Variants in HSP90B1 observed in about 807,000 individuals in gnomAD.
The protein encoded by HSP90B1 is endoplasmin.
Under a neutral mutation model 100.4 loss-of-function variants are expected in HSP90B1, and 27 were observed. That is an observed-to-expected ratio of 0.27 (90% CI 0.20 to 0.37). HSP90B1 has a LOEUF of 0.37. Among genes scored for constraint, HSP90B1 ranks in the 10% least tolerant of loss-of-function variants. The probability of loss-of-function intolerance (pLI) is 1.00; values close to 1 mark genes in which losing one functional copy is unlikely to be tolerated. For missense variants in HSP90B1, 678 were observed against 960.5 expected (o/e 0.71, Z 3.89); for synonymous variants, 304 against 330.8 (o/e 0.92, Z 0.88).
chr12:103,937,665 G>A, intron 5 of HSP90B1, 30 bp from the exon 6 acceptor site: 1 of 1,031,082 alleles, frequency 9.7e-7, no homozygotes, highest in Non-Finnish European at 1.5e-6. Flanking sequence ...TAAATGTTAG[G>A]TGTCTCTAAA....
At chr12:103,934,737 T>G (rs994552713) in intron 5 of HSP90B1, among the ~76,000 whole-genome samples, 4 of 152,240 alleles carry the variant, frequency 2.6e-5, no homozygotes, top group African/African-American at 9.6e-5. Context: ...GTCTCACTCT[T>G]GTTGCCCAGG....
In HSP90B1 at chr12:103,947,926, A is replaced by T; in HGVS notation, c.*264A>T. ...TATAAAAATAAAAAAGATCCCAAAT[A>T]CTCAGTGTCTTGACTGTCTTGCAGA... On this transcript the variant is annotated 3_prime_UTR_variant, in exon 18 of 18. Coordinates refer to ENST00000299767, the MANE Select transcript of HSP90B1 (RefSeq NM_003299.3). The T allele has an allele frequency of 2.2e-6, 1 of 460,188 alleles. No individual in the cohort carries two copies. The allele number at this position is 460,188 out of a possible 1,614,324, so 28.5% of individuals were successfully genotyped here. A position where few individuals can be genotyped will look rare whatever the true frequency, so the allele number is the denominator to read the frequency against.
At chr12:103,938,170 C>CA (rs34582471) in intron 6 of HSP90B1, 170 bp from the exon 7 acceptor site, 71,341 of 364,790 alleles carry the variant, frequency 0.2, 3,572 homozygotes, top group East Asian at 0.36. Flanking sequence ...GACTCTGTCT[C>CA]AAAAAAAAAA....
At chr12:103,937,575 T>C (rs563700970) in intron 5 of HSP90B1, 120 bp from the exon 6 acceptor site, 8 of 646,026 alleles carry the variant, frequency 1.2e-5, no homozygotes, top group Non-Finnish European at 2.3e-5. Context: ...AGAGTTAACA[T>C]GAATAATTAG....
In HSP90B1 at chr12:103,941,658, C is replaced by A. The variant is rs564418201; in HGVS notation, c.1260C>A (p.Asp420Glu). Residue 420 changes from aspartate to glutamate, a missense_variant, in exon 10 of 18, where the codon GAC becomes GAA. By Grantham distance (45) the Asp-to-Glu change is conservative. Around this residue, in one of 8 missense-constraint regions of HSP90B1, gnomAD observed 44 missense variants for 110.8 expected, o/e 0.40. Transcript: ENST00000299767. Reference protein sequence around the residue: ...KLYVRRVFITDDFHDMMPKYL... With the variant: ...KLYVRRVFITEDFHDMMPKYL... Reference sequence around the variant, plus strand: ...ATGTGCGCCGTGTATTCATCACAGACGACTTCCATGATATGATGCCTAAAT... The same window carrying A: ...ATGTGCGCCGTGTATTCATCACAGAAGACTTCCATGATATGATGCCTAAAT... 6.2e-7 allele frequency: 1 copy of A among 1,613,944 alleles called. No individual in the cohort carries two copies. The highest frequency in any genetic ancestry group is 1.3e-5 in the African/African-American group (1 of 74,884).
chr12:103,937,471 G>A (rs1869949983), intron 5 of HSP90B1, among the ~76,000 whole-genome samples: 1 of 152,094 alleles, frequency 6.6e-6, no homozygotes, highest in African/African-American at 2.4e-5. Context: ...TAAAACTAAG[G>A]TTATTCTCCA....
In HSP90B1 at chr12:103,939,545, G is replaced by A. The variant is rs1350887733; in HGVS notation, c.1012G>A (p.Asp338Asn). Residue 338 changes from aspartate (D) to asparagine (N), a missense_variant, in exon 8 of 18, where the codon GAT (aspartate) becomes AAT (asparagine). Asp to Asn is a conservative substitution (Grantham distance 23). This residue lies in a region of HSP90B1 where 238 missense variants were observed against 346.7 expected (regional missense o/e 0.69). Coordinates refer to ENST00000299767, the MANE Select transcript of HSP90B1 (RefSeq NM_003299.3). ...KTVWDWELMN[D>N]IKPIWQRPSK... ...TGTCTGGGACTGGGAACTTATGAAT[G>A]ATATCAAACCAATATGGCAGAGACC... 8 of 1,576,794 alleles carry A rather than the reference G, an allele frequency of 5.1e-6. No homozygotes were observed. The highest frequency in any genetic ancestry group is 6.9e-6 in the Non-Finnish European group (8 of 1,163,464).
intron 5 of HSP90B1, 37 bp from the exon 6 acceptor site, chr12:103,937,658 A>C: frequency 1.0e-6 from 1 of 979,610 alleles, no homozygotes; most frequent in Non-Finnish European, 1.6e-6. Flanking sequence ...GATCTTCTAA[A>C]TGTTAGGTGT....
chr12:103,946,832 T>C lies in HSP90B1; in HGVS notation c.2153T>C (p.Phe718Ser), dbSNP rs749290700. Residue 718 changes from phenylalanine (F) to serine (S), a missense_variant, in exon 16 of 18, where the codon TTT (phenylalanine) becomes TCT (serine). Phe to Ser is a radical substitution (Grantham distance 155). This residue lies in a region of HSP90B1 where 64 missense variants were observed against 66.4 expected (regional missense o/e 0.96). Coordinates refer to ENST00000299767, the MANE Select transcript of HSP90B1 (RefSeq NM_003299.3). Reference protein sequence around the residue: ...KTVLDLAVVLFETATLRSGYL... With the variant: ...KTVLDLAVVLSETATLRSGYL... ...GTTTTGGATCTTGCTGTGGTTTTGT[T>C]TGAAACAGCAACGCTTCGGTCAGGG... The C allele has an allele frequency of 9.9e-6, 16 of 1,614,060 alleles. No homozygotes were observed. Among genetic ancestry groups the C allele is most frequent in the Admixed American group, 1.7e-5 (1 of 60,000 alleles).
chr12:103,934,936 C>T (rs751556685), intron 5 of HSP90B1, among the ~76,000 whole-genome samples: 9 of 152,082 alleles, frequency 5.9e-5, no homozygotes, highest in African/African-American at 1.9e-4. Context: ...CCCGACCTCA[C>T]GTGATCCACC....
chr12:103,932,880 C>G lies in HSP90B1; in HGVS notation c.349C>G (p.Leu117Val). 1 of 1,607,750 alleles carries G rather than the reference C, an allele frequency of 6.2e-7. No individual in the cohort carries two copies. Among genetic ancestry groups the G allele is most frequent in the Non-Finnish European group, 8.5e-7 (1 of 1,174,480 alleles). Residue 117 changes from leucine (L) to valine (V), a missense_variant, in exon 4 of 18, where the codon CTA becomes GTA. Transcript: ENST00000299767. ...TTCTGATGCTTTAGATAAGATAAGG[C>G]TAATATCACTGACTGATGAAAATGC... ...NASDALDKIR[L>V]ISLTDENALS...
intron 8 of HSP90B1, among the ~76,000 whole-genome samples, chr12:103,940,050 C>T (rs12426382): frequency 0.085 from 12,991 of 152,146 alleles, 845 homozygotes; most frequent in East Asian, 0.31. Flanking sequence ...AATTGGTTTC[C>T]TTTTTATTCC....
intron 1 of HSP90B1, among the ~76,000 whole-genome samples, chr12:103,931,128 A>T (rs1243396924): frequency 1.3e-5 from 2 of 152,240 alleles, no homozygotes; most frequent in African/African-American, 4.8e-5. Flanking sequence ...CAGAGGTTGC[A>T]TAAATCCTAT....
At chr12:103,946,737 GT>G (rs1386808841) in intron 15 of HSP90B1, 41 bp downstream of exon 15, 11 of 1,612,666 alleles carry the variant, frequency 6.8e-6, no homozygotes, top group Non-Finnish European at 8.5e-7. Flanking sequence ...TTTAATTTGA[GT>G]ACTTTGTATC....
At chr12:103,933,497 G>A (rs1367516470) in intron 4 of HSP90B1, among the ~76,000 whole-genome samples, 1 of 152,214 alleles carries the variant, frequency 6.6e-6, no homozygotes, top group Non-Finnish European at 1.5e-5. Context: ...CTAGTCACAT[G>A]GCCTTAGCCA....
rs1172917061 is a variant in HSP90B1 at position 103,947,839 on chromosome 12, C to A, written c.*177C>A. ...TTTTAGTTGAATTTTTTTTAACATT[C>A]CTCATGAATGTAAATTTGTACTATT... On this transcript the variant is annotated 3_prime_UTR_variant, in exon 18 of 18. Coordinates refer to ENST00000299767, the MANE Select transcript of HSP90B1 (RefSeq NM_003299.3). 1.5e-6 allele frequency: 1 copy of A among 653,204 alleles called. No individual in the cohort carries two copies. Among genetic ancestry groups the A allele is most frequent in the Non-Finnish European group, 2.8e-6 (1 of 357,394 alleles). 40.5% of individuals were successfully genotyped at this position (653,204 alleles called of 1,614,324 possible).
In HSP90B1 at chr12:103,936,769, GAT is replaced by G. The variant is rs1199201869; in HGVS notation, c.744-923_744-922del. Among the ~76,000 whole-genome samples, 16 of 152,176 alleles carry G rather than the reference GAT, an allele frequency of 1.1e-4. No individual in the cohort carries two copies. In the East Asian group the frequency reaches 2.9e-3, roughly 28 times the overall value. On this transcript the variant is annotated intron_variant, in intron 5 of 17. Transcript: ENST00000299767. ...TTGCCTTTTAAATGCTTCTACCTAA[GAT>G]ATCTAACCAGCAGCTTCTACTTGCA...
intron 17 of HSP90B1, 59 bp from the exon 18 acceptor site, chr12:103,947,574 G>A: frequency 6.5e-7 from 1 of 1,547,456 alleles, no homozygotes; most frequent in Non-Finnish European, 8.8e-7. Context: ...AAACCTGTGA[G>A]CTAGGTTTTT....
rs1438738391 is a variant in HSP90B1, at chr12:103,937,813, C to T, written c.855+7C>T. 7.5e-7 allele frequency: 1 copy of T among 1,340,546 alleles called. No individual in the cohort carries two copies. Among genetic ancestry groups the T allele is most frequent in the East Asian group, 2.3e-5 (1 of 43,424 alleles). The allele number at this position is 1,340,546 out of a possible 1,614,324, so 83.0% of individuals were successfully genotyped here. A position where few individuals can be genotyped will look rare whatever the true frequency, so the allele number is the denominator to read the frequency against. On this transcript the variant is annotated splice_region_variant and intron_variant, in intron 6 of 17. Transcript: ENST00000299767. ...TTATGTATGGAGCAGCAAGGTAAAT[C>T]TATATTGATTAAAAACTTATATGTA... is the stretch of plus-strand genomic sequence containing the variant.
Sources: gnomAD v4.1 joint callset for allele counts (sites outside exome capture counted in the v4.1 genomes callset) on GRCh38, gnomAD v4.1.1 for gene constraint, gnomAD v4.1.1 regional missense constraint, MANE v1.5 for transcripts, NCBI Gene and HGNC (gene_info 2026-07-23, HGNC 2026-07-21) for gene names.